The following CDH23 variants were observed in gnomAD, a reference collection of about 807,000 sequenced individuals.
CDH23 encodes cadherin-23.
Under a neutral mutation model 317.1 loss-of-function variants are expected in CDH23, and 189 were observed. That is an observed-to-expected ratio of 0.60 (90% CI 0.53 to 0.67). CDH23 has a LOEUF of 0.67. Among genes scored for constraint, CDH23 ranks in the 30% least tolerant of loss-of-function variants. The pLI is 0.00. For synonymous variants in CDH23, 1,839 were observed against 1,876.8 expected (o/e 0.98, Z 0.52); for missense variants, 4,401 against 4,592.4 (o/e 0.96, Z 1.20).
In CDH23 at chr10:71,751,658, A is replaced by G; in HGVS notation, c.4845+9737A>G. On this transcript the variant is annotated intron_variant, in intron 38 of 69. Transcript: ENST00000224721. This position sits in a 1 kb window ranked among gnomAD's most constrained non-coding sequence, Gnocchi z 4.9. ...AGGTCATCGTGCTGTGAAGGTCAGG[A>G]AACACTTACCCAGGGATGGGAAGAA... 1 of 1,521,362 alleles carries G rather than the reference A, an allele frequency of 6.6e-7. No homozygotes were observed. The highest frequency in any genetic ancestry group is 8.8e-7 in the Non-Finnish European group (1 of 1,135,440). 94.2% of individuals were successfully genotyped at this position (1,521,362 alleles called of 1,614,324 possible).
intron 9 of CDH23, among the ~76,000 whole-genome samples, chr10:71,589,730 G>A (rs1366028448): frequency 6.6e-6 from 1 of 152,224 alleles, no homozygotes; most frequent in Admixed American, 6.5e-5. Context: ...ACGCTCCCAG[G>A]ACCTTCCCCC....
At chr10:71,652,166 A>T (rs533608659) in intron 14 of CDH23, among the ~76,000 whole-genome samples, 9 of 152,134 alleles carry the variant, frequency 5.9e-5, no homozygotes, top group African/African-American at 1.9e-4. Context: ...CCGTGGGTAG[A>T]GCTCCACCTC....
At chr10:71,576,619 A>T (rs1858221641) in intron 8 of CDH23, among the ~76,000 whole-genome samples, 1 of 152,060 alleles carries the variant, frequency 6.6e-6, no homozygotes, top group Non-Finnish European at 1.5e-5. Context: ...ACATTTCCCT[A>T]GGGGGTGGGG....
intron 3 of CDH23, among the ~76,000 whole-genome samples, chr10:71,501,635 G>T (rs1853340035): frequency 6.6e-6 from 1 of 152,202 alleles, no homozygotes; most frequent in Non-Finnish European, 1.5e-5. Flanking sequence ...GCATTTGAGA[G>T]ACTGAAGGCA....
chr10:71,623,516 A>G (rs2132534727), intron 11 of CDH23, among the ~76,000 whole-genome samples: 2 of 152,320 alleles, frequency 1.3e-5, no homozygotes, highest in East Asian at 3.9e-4. Context: ...CCAGGAAGCC[A>G]GGGAGCTGAT....
chr10:71,725,855 G>A (rs776115146), intron 30 of CDH23, among the ~76,000 whole-genome samples: 1 of 152,146 alleles, frequency 6.6e-6, no homozygotes, highest in African/African-American at 2.4e-5. Flanking sequence ...GATCTTGGAG[G>A]TACAGATGCT....
chr10:71,469,943 C>T (rs1851431296), intron 3 of CDH23, among the ~76,000 whole-genome samples: 1 of 152,030 alleles, frequency 6.6e-6, no homozygotes, highest in Non-Finnish European at 1.5e-5. Flanking sequence ...TTTTATTTCT[C>T]TTGGGAAAAT....
chr10:71,675,042 A>C (rs1397919461), intron 14 of CDH23, 70 bp from the exon 15 acceptor site: 3 of 1,409,018 alleles, frequency 2.1e-6, no homozygotes, highest in Non-Finnish European at 3.0e-6. Flanking sequence ...CGAGAGGAAC[A>C]TGGGTTTCCT....
chr10:71,458,921 G>C (rs899517992), intron 3 of CDH23, among the ~76,000 whole-genome samples: 3 of 152,032 alleles, frequency 2.0e-5, no homozygotes, highest in African/African-American at 7.3e-5. Context: ...CCAAGTAGCT[G>C]GGACTACAGG....
intron 6 of CDH23, among the ~76,000 whole-genome samples, chr10:71,558,120 C>A (rs191006170): frequency 9.5e-4 from 144 of 152,170 alleles, no homozygotes; most frequent in African/African-American, 3.0e-3. Context: ...GCCTCAGCCT[C>A]CTGAGTAGCT....
rs79030686 is a variant in CDH23, at chr10:71,534,598, A to T, written c.429+23386A>T. On this transcript the variant is annotated intron_variant, in intron 6 of 69. Coordinates refer to ENST00000224721, the MANE Select transcript of CDH23 (RefSeq NM_022124.6). ...ACAAGCAGACCCATCTGCATTTTCC[A>T]GCCCAGTTCTGCCACCACCCCCTAT... Among the ~76,000 whole-genome samples the T allele has an allele frequency of 4.1e-3, 630 of 152,334 alleles. 7 individuals are homozygous for T. The highest frequency in any genetic ancestry group is 0.015 in the African/African-American group (606 of 41,580).
chr10:71,734,413 C>G, intron 33 of CDH23, 72 bp downstream of exon 33: 1 of 1,509,194 alleles, frequency 6.6e-7, no homozygotes, highest in Non-Finnish European at 9.0e-7. Context: ...AACCCATGTC[C>G]TCGCCAGCCA....
intron 6 of CDH23, among the ~76,000 whole-genome samples, chr10:71,549,017 G>T (rs1325211701): frequency 6.6e-6 from 1 of 152,254 alleles, no homozygotes; most frequent in Non-Finnish European, 1.5e-5. Context: ...GTGATTAATT[G>T]GTTCATTCAG....
chr10:71,677,760 GCTT>G, intron 16 of CDH23, 67 bp downstream of exon 16: 1 of 1,349,942 alleles, frequency 7.4e-7, no homozygotes, highest in Non-Finnish European at 1.0e-6. Context: ...TTGCTTGCTT[GCTT>G]CTTTTTTGTT....
intron 28 of CDH23, chr10:71,718,043 G>C (rs975987347): frequency 2.6e-5 from 4 of 152,226 alleles, no homozygotes; most frequent in African/African-American, 9.7e-5. Flanking sequence ...CAGGGGGTCT[G>C]ATAAAAAGTC....
chr10:71,720,420 A>AACACAC (rs57346519), intron 28 of CDH23, among the ~76,000 whole-genome samples: 1,459 of 145,844 alleles, frequency 0.01, 13 homozygotes, highest in South Asian at 0.019. Flanking sequence ...CTCTTTCCAA[A>AACACAC]ACACACACAC....
intron 3 of CDH23, among the ~76,000 whole-genome samples, chr10:71,464,924 T>A (rs140062289): frequency 2.0e-5 from 3 of 152,328 alleles, no homozygotes; most frequent in African/African-American, 7.2e-5. Flanking sequence ...CTGTCACTTA[T>A]GGAGGGCCAA....
chr10:71,599,692 C>G (rs1266820691), intron 9 of CDH23, among the ~76,000 whole-genome samples: 2 of 152,220 alleles, frequency 1.3e-5, no homozygotes, highest in Non-Finnish European at 2.9e-5. Flanking sequence ...CTTCTCAAAG[C>G]AGACCAGAGA....
Position 71,752,929 on chromosome 10 carries a change from T to G in CDH23, c.4845+11008T>G, listed in dbSNP as rs146914425. The G allele has an allele frequency of 8.6e-4, 1,375 of 1,603,908 alleles. 14 individuals are homozygous for G. In the African/African-American group the frequency reaches 0.013, roughly 16 times the overall value. Reference sequence around the variant, plus strand: ...CTGCACAGAAGTATCTCTTCCTGGATAGCCGGCCCAGGAAGTTTTCTCAAG... The same window carrying G: ...CTGCACAGAAGTATCTCTTCCTGGAGAGCCGGCCCAGGAAGTTTTCTCAAG... On this transcript the variant is annotated intron_variant, in intron 38 of 69. Transcript: ENST00000224721.
Sources: allele counts gnomAD v4.1 joint callset (sites outside exome capture counted in the v4.1 genomes callset), GRCh38; gene constraint gnomAD v4.1.1; non-coding constraint Gnocchi (gnomAD v3.1); transcripts MANE v1.5; gene names NCBI Gene and HGNC (gene_info 2026-07-23, HGNC 2026-07-21).